The following ADAMTSL1 variants were observed in gnomAD, a reference collection of about 807,000 sequenced individuals.
The protein encoded by ADAMTSL1 is ADAMTS like 1.
ADAMTSL1 carries 126 observed loss-of-function variants against 201.8 expected under a neutral mutation model. The observed-to-expected ratio is 0.62, with a 90% CI of 0.54 to 0.72. ADAMTSL1 has a LOEUF of 0.72. Among genes scored for constraint, ADAMTSL1 ranks in the 30% least tolerant of loss-of-function variants. The pLI, the probability that ADAMTSL1 is intolerant of heterozygous loss-of-function variation, is 0.00. For synonymous variants in ADAMTSL1, 1,121 were observed against 903.4 expected (o/e 1.24, Z -4.32); for missense variants, 2,679 against 2,277.8 (o/e 1.18, Z -3.59).
At chr9:18,861,036 T>C (rs140198542) in intron 23 of ADAMTSL1, among the ~76,000 whole-genome samples, 2 of 152,206 alleles carry the variant, frequency 1.3e-5, no homozygotes, top group African/African-American at 2.4e-5. Flanking sequence ...AGAGATCATA[T>C]ACACATCCCT....
chr9:18,687,341 T>G (rs954462761), intron 13 of ADAMTSL1, among the ~76,000 whole-genome samples: 1 of 152,198 alleles, frequency 6.6e-6, no homozygotes, highest in African/African-American at 2.4e-5. Flanking sequence ...TGTAACAACC[T>G]ATAATTACTC....
intron 15 of ADAMTSL1, among the ~76,000 whole-genome samples, chr9:18,735,041 C>T (rs1818425501): frequency 6.6e-6 from 1 of 152,178 alleles, no homozygotes; most frequent in Admixed American, 6.5e-5. Context: ...AAACCTCTGT[C>T]CCTATGGACA....
intron 3 of ADAMTSL1, among the ~76,000 whole-genome samples, chr9:18,533,655 C>A (rs1235046319): frequency 6.6e-6 from 1 of 152,168 alleles, no homozygotes. Context: ...ATTTGACAAA[C>A]TCATTCATTT....
chr9:18,409,672 T>C (rs1022653576), intron 2 of ADAMTSL1, among the ~76,000 whole-genome samples: 5 of 150,926 alleles, frequency 3.3e-5, no homozygotes, highest in African/African-American at 1.2e-4. Flanking sequence ...TTAAAACTCA[T>C]GGTAGTCAGT....
chr9:18,368,910 G>T (rs1240487517), intron 2 of ADAMTSL1, among the ~76,000 whole-genome samples: 1 of 152,154 alleles, frequency 6.6e-6, no homozygotes, highest in African/African-American at 2.4e-5. Context: ...AAACATGGTA[G>T]TTCACAGATG....
chr9:17,952,185 C>G (rs562785252), intron 1 of ADAMTSL1, among the ~76,000 whole-genome samples: 1 of 150,454 alleles, frequency 6.6e-6, no homozygotes, highest in African/African-American at 2.5e-5. Flanking sequence ...AACTCCTGAG[C>G]TCAAGCAATC....
chr9:18,030,892 G>A (rs1312621875), intron 1 of ADAMTSL1, among the ~76,000 whole-genome samples: 1 of 152,034 alleles, frequency 6.6e-6, no homozygotes, highest in African/African-American at 2.4e-5. Context: ...TTGTCTCACT[G>A]AGTTAATTTG....
chr9:18,890,629 GACTT>G, intron 25 of ADAMTSL1: 1 of 455,958 alleles, frequency 2.2e-6, no homozygotes, highest in Non-Finnish European at 4.4e-6. Context: ...TCAGCAGTTT[GACTT>G]GCTGACGGGA....
intron 1 of ADAMTSL1, among the ~76,000 whole-genome samples, chr9:18,001,001 C>G (rs916811528): frequency 5.3e-5 from 8 of 151,970 alleles, no homozygotes; most frequent in Non-Finnish European, 1.0e-4. Flanking sequence ...ACAATCCCAT[C>G]AGGACTGTAT....
rs149333558 is a variant in ADAMTSL1, at chr9:18,721,586, G to A, written c.1927G>A (p.Ala643Thr). ...CTTGAACAAACAGACTCGGGAGCCT[G>A]CTGAGGAGAACCTGTGCGTGACCAG... Reference protein sequence around the residue: ...SCLNKQTREPAEENLCVTSRR... With the variant: ...SCLNKQTREPTEENLCVTSRR... The change falls in exon 15 of 29, where the codon GCT (alanine) becomes ACT (threonine). Residue 643 changes from alanine (A) to threonine (T), a missense_variant. By Grantham distance (58) the Ala-to-Thr change is moderately conservative. Coordinates refer to ENST00000380548, the MANE Select transcript of ADAMTSL1 (RefSeq NM_001040272.6). 1,069 of 1,613,974 alleles carry A rather than the reference G, an allele frequency of 6.6e-4. 10 individuals are homozygous for A. The African/African-American group carries it at 0.013, about 20-fold the overall frequency.
At chr9:18,469,799 T>C (rs1427185898), upstream of ADAMTSL1, among the ~76,000 whole-genome samples, 1 of 152,222 alleles carries the variant, frequency 6.6e-6, no homozygotes. Context: ...CTGCCTCACT[T>C]CCTCCTTCCG....
At chr9:18,529,697 C>G (rs1258228131) in intron 2 of ADAMTSL1, among the ~76,000 whole-genome samples, 1 of 152,110 alleles carries the variant, frequency 6.6e-6, no homozygotes, top group Middle Eastern at 3.2e-3. Flanking sequence ...TTATAGTTCA[C>G]AATTTGATAA....
At chr9:18,221,832 A>G (rs570315548) in intron 2 of ADAMTSL1, among the ~76,000 whole-genome samples, 1 of 152,086 alleles carries the variant, frequency 6.6e-6, no homozygotes, top group South Asian at 2.1e-4. Flanking sequence ...GCATTTTCAT[A>G]TCTATATTCT....
At chr9:18,674,420 C>A (rs1396774252) in intron 9 of ADAMTSL1, among the ~76,000 whole-genome samples, 2 of 152,008 alleles carry the variant, frequency 1.3e-5, no homozygotes, top group Admixed American at 6.6e-5. Flanking sequence ...CATGTATCCC[C>A]TAACCTTTCA....
At chr9:18,291,135 T>A (rs377479155) in intron 2 of ADAMTSL1, among the ~76,000 whole-genome samples, 55 of 123,300 alleles carry the variant, frequency 4.5e-4, no homozygotes, top group African/African-American at 1.4e-3. Flanking sequence ...CTAAGTCATC[T>A]AGCTAGGGAT....
chr9:18,159,837 T>C (rs1827308955), intron 1 of ADAMTSL1, among the ~76,000 whole-genome samples: 1 of 152,058 alleles, frequency 6.6e-6, no homozygotes, highest in Non-Finnish European at 1.5e-5. Flanking sequence ...AAAATGTATA[T>C]TGCAGACATA....
intron 1 of ADAMTSL1, among the ~76,000 whole-genome samples, chr9:18,026,970 C>G (rs779660873): frequency 3.3e-5 from 5 of 151,890 alleles, no homozygotes; most frequent in Non-Finnish European, 7.4e-5. Context: ...TACCCATTTC[C>G]TCTAGATTTT....
In ADAMTSL1 at chr9:18,511,945, C is replaced by T. The variant is rs184987840; in HGVS notation, c.191+6989C>T. Among the ~76,000 whole-genome samples the T allele has an allele frequency of 3.3e-5, 5 of 152,196 alleles. No individual in the cohort carries two copies. In the East Asian group the frequency reaches 9.7e-4, roughly 29 times the overall value. ...TTTTAGAACTTTCAGCTCAAGTGAG[C>T]CCCAAAGCAGGCTTTATCTGTTATT... On this transcript the variant is annotated intron_variant, in intron 2 of 28. Coordinates refer to ENST00000380548, the MANE Select transcript of ADAMTSL1 (RefSeq NM_001040272.6).
chr9:18,788,388 G>A (rs1473262309), intron 19 of ADAMTSL1, among the ~76,000 whole-genome samples: 13 of 74,946 alleles, frequency 1.7e-4, no homozygotes, highest in East Asian at 1.6e-3. Context: ...CCCCCGCCCC[G>A]CCCCCGCAAC....
Sources: allele counts gnomAD v4.1 joint callset (sites outside exome capture counted in the v4.1 genomes callset), GRCh38; gene constraint gnomAD v4.1.1; transcripts MANE v1.5; gene names NCBI Gene and HGNC (gene_info 2026-07-23, HGNC 2026-07-21).